The following FBN2 variants were observed in gnomAD, a reference collection of about 807,000 sequenced individuals.
The protein encoded by FBN2 is fibrillin-2.
Under a neutral mutation model 355.6 loss-of-function variants are expected in FBN2, and 105 were observed. The observed-to-expected ratio is 0.30, with a 90% CI of 0.25 to 0.35. The LOEUF (loss-of-function observed/expected upper bound fraction) is 0.35. Ranked by LOEUF, FBN2 falls within the 10% of genes least tolerant of loss-of-function variation. The probability of loss-of-function intolerance (pLI) is 1.00; values close to 1 mark genes in which losing one functional copy is unlikely to be tolerated. For synonymous variants in FBN2, 1,350 were observed against 1,301.2 expected, an observed-to-expected ratio of 1.04 and a Z score of -0.81; for missense variants, 3,280 against 3,758.7, an observed-to-expected ratio of 0.87 and a Z score of 3.33.
chr5:128,275,939 G>C, intron 59 of FBN2, 99 bp downstream of exon 59: 1 of 1,336,950 alleles, frequency 7.5e-7, no homozygotes, highest in Non-Finnish European at 1.1e-6. Flanking sequence ...ACCTTTTAAT[G>C]AAGGTGATGC....
At chr5:128,528,699 G>A (rs573093623) in intron 3 of FBN2, among the ~76,000 whole-genome samples, 41 of 152,308 alleles carry the variant, frequency 2.7e-4, no homozygotes, top group Admixed American at 4.6e-4. Context: ...AGCTAACACA[G>A]GGCCTCCTCG....
intron 34 of FBN2, among the ~76,000 whole-genome samples, chr5:128,327,156 C>T (rs1354262668): frequency 6.6e-5 from 10 of 152,200 alleles, no homozygotes; most frequent in Non-Finnish European, 1.3e-4. Flanking sequence ...AGGAACTCAC[C>T]CTACAGTTGC....
At chr5:128,402,114 A>G (rs1236178201) in intron 8 of FBN2, among the ~76,000 whole-genome samples, 1 of 152,162 alleles carries the variant, frequency 6.6e-6, no homozygotes, top group Non-Finnish European at 1.5e-5. Context: ...TTTCCTTTGT[A>G]TGAAATTTCA....
Position 128,530,606 on chromosome 5 carries a change from C to G in FBN2, c.425G>C (p.Gly142Ala), listed in dbSNP as rs1060503506. 1 of 1,609,770 alleles carries G rather than the reference C, an allele frequency of 6.2e-7. No individual in the cohort carries two copies. Among genetic ancestry groups the G allele is most frequent in the Non-Finnish European group, 8.5e-7 (1 of 1,176,246 alleles). ...CSSGQISSTC[G>A]SKSIQQCSVR... ...AGTAAGAAACATACTTGATTTTGAT[C>G]CACAGGTTGATGATATTTGCCCACT... Residue 142 changes from glycine (G) to alanine (A), a missense_variant, in exon 3 of 65, where the codon GGA becomes GCA. Gly to Ala is a moderately conservative substitution (Grantham distance 60). This residue lies in a region of FBN2 where 130 missense variants were observed against 189.9 expected (regional missense o/e 0.68). Coordinates refer to ENST00000262464, the MANE Select transcript of FBN2 (RefSeq NM_001999.4).
chr5:128,437,366 T>A (rs1554069216), intron 7 of FBN2, among the ~76,000 whole-genome samples: 1 of 152,146 alleles, frequency 6.6e-6, no homozygotes, highest in Non-Finnish European at 1.5e-5. Flanking sequence ...TAATATGAAG[T>A]GAAAAAGTTA....
intron 4 of FBN2, among the ~76,000 whole-genome samples, chr5:128,522,778 C>G (rs1277185557): frequency 6.6e-6 from 1 of 152,118 alleles, no homozygotes; most frequent in Admixed American, 6.5e-5. Flanking sequence ...GAAACAGCAA[C>G]TTATATTTCA....
At chr5:128,344,996 C>T (rs1038650882) in intron 24 of FBN2, among the ~76,000 whole-genome samples, 7 of 152,162 alleles carry the variant, frequency 4.6e-5, no homozygotes, top group African/African-American at 1.4e-4. Context: ...CCACCACGCC[C>T]GGCCAAAGAT....
chr5:128,278,195 A>G (rs1301696204), intron 57 of FBN2, among the ~76,000 whole-genome samples, 190 bp from the exon 58 acceptor site: 1 of 152,126 alleles, frequency 6.6e-6, no homozygotes, highest in Non-Finnish European at 1.5e-5. Context: ...ATCTCAAGTG[A>G]TGGGAGGGGA....
intron 4 of FBN2, among the ~76,000 whole-genome samples, chr5:128,526,981 A>G (rs541654454): frequency 3.9e-5 from 6 of 152,184 alleles, no homozygotes; most frequent in Non-Finnish European, 8.8e-5. Flanking sequence ...TTTTACACCT[A>G]AGACTTGGTT....
chr5:128,430,398 C>A (rs1030830354), intron 7 of FBN2, among the ~76,000 whole-genome samples: 29 of 152,012 alleles, frequency 1.9e-4, no homozygotes, highest in African/African-American at 7.0e-4. Flanking sequence ...ATTTGGCTTA[C>A]TTCCTTATGT....
chr5:128,305,972 A>C, intron 42 of FBN2, 24 bp from the exon 43 acceptor site: 1 of 1,608,400 alleles, frequency 6.2e-7, no homozygotes, highest in Non-Finnish European at 8.5e-7. Flanking sequence ...GATTTGGTCA[A>C]ATATATGTTG....
At chr5:128,335,685 A>AT (rs1481929503) in intron 28 of FBN2, 108 bp from the exon 29 acceptor site, 1 of 1,281,808 alleles carries the variant, frequency 7.8e-7, no homozygotes, top group Non-Finnish European at 1.1e-6. Flanking sequence ...TCTCCCCACT[A>AT]TGTGTGTTGA....
At chr5:128,480,409 T>C (rs896888121) in intron 5 of FBN2, among the ~76,000 whole-genome samples, 1 of 152,072 alleles carries the variant, frequency 6.6e-6, no homozygotes, top group African/African-American at 2.4e-5. Context: ...TACACGCCTA[T>C]GGTCTTGAAT....
At position 128,537,457 on chromosome 5, in the gene FBN2, G is replaced by C. The variant is rs1194404343; in HGVS notation, c.147C>G (p.Ser49=). 2 of 1,606,626 alleles carry C rather than the reference G, an allele frequency of 1.2e-6. No individual in the cohort carries two copies. The highest frequency in any genetic ancestry group is 3.4e-5 in the Admixed American group (2 of 59,490). ...ACCCGCCTTCAGAGCCTGCTGTAGC[G>C]GACCGAACCTGTTGCGGCGGCGGCT... ...RPQPPPQQVR[S]ATAGSEGGFL... Residue 49 remains serine (S), a synonymous_variant, in exon 1 of 65, where the codon TCC becomes TCG. Transcript: ENST00000262464.
At chr5:128,406,590 G>A (rs1193271098) in intron 8 of FBN2, among the ~76,000 whole-genome samples, 3 of 152,134 alleles carry the variant, frequency 2.0e-5, no homozygotes, top group Non-Finnish European at 2.9e-5. Context: ...TAAGCACTGC[G>A]ATACTGTCAG....
chr5:128,295,921 C>G (rs1223157111), intron 48 of FBN2, among the ~76,000 whole-genome samples: 1 of 143,844 alleles, frequency 7.0e-6, no homozygotes, highest in Non-Finnish European at 1.5e-5. Context: ...TGCCAGTTTT[C>G]AAAGGGAATG....
chr5:128,299,682 C>T (rs35584812), intron 48 of FBN2, among the ~76,000 whole-genome samples: 15,605 of 152,136 alleles, frequency 0.1, 904 homozygotes, highest in African/African-American at 0.13. Context: ...TGCTTTGGCT[C>T]GTGCACAGTG....
intron 31 of FBN2, among the ~76,000 whole-genome samples, chr5:128,334,495 T>C (rs1750781481): frequency 6.6e-6 from 1 of 152,068 alleles, no homozygotes; most frequent in African/African-American, 2.4e-5. Flanking sequence ...ACTCACTCTG[T>C]CACAGCCCAC....
chr5:128,309,509 C>A lies in FBN2; in HGVS notation c.5201-110G>T, dbSNP rs1018136434. 1.7e-5 allele frequency: 15 copies of A among 861,842 alleles called. 1 individual carries two copies. The Middle Eastern group carries it at 1.2e-3, about 68-fold the overall frequency. 53.4% of individuals were successfully genotyped at this position (861,842 alleles called of 1,614,324 possible). The stretch of plus-strand genomic sequence containing the variant: ...TTCCTGATGAACACAACTCGGAAAC[C>A]CTTTTTAGTCATTTGAAGCTATCTT... On this transcript the variant is annotated intron_variant, in intron 40 of 64. Coordinates refer to ENST00000262464, the MANE Select transcript of FBN2 (RefSeq NM_001999.4).
Sources: allele counts gnomAD v4.1 joint callset (sites outside exome capture counted in the v4.1 genomes callset), GRCh38; gene constraint gnomAD v4.1.1; regional missense constraint gnomAD v4.1.1; transcripts MANE v1.5; gene names NCBI Gene and HGNC (gene_info 2026-07-23, HGNC 2026-07-21).